The following COBL variants were observed in gnomAD, a reference collection of about 807,000 sequenced individuals.
The protein encoded by COBL is protein cordon-bleu.
In COBL, 51 loss-of-function variants were observed where a neutral mutation model predicts 98.8. The ratio of observed to expected loss-of-function variants is 0.52; its 90% CI spans 0.41 to 0.65. The LOEUF (loss-of-function observed/expected upper bound fraction) is 0.65. Ranked by LOEUF, COBL falls within the 30% of genes least tolerant of loss-of-function variation. COBL has a pLI of 0.00. For missense variants in COBL, 1,617 were observed against 1,617.5 expected (o/e 1.00, Z 0.01); for synonymous variants, 634 against 651.7 (o/e 0.97, Z 0.41).
intron 6 of COBL, among the ~76,000 whole-genome samples, chr7:51,104,646 A>G (rs1467671202): frequency 2.0e-5 from 3 of 151,440 alleles, no homozygotes; most frequent in African/African-American, 7.3e-5. Flanking sequence ...CACCCTAATC[A>G]CTCCCCTAAC....
intron 1 of COBL, among the ~76,000 whole-genome samples, chr7:51,274,861 T>C (rs1051751891): frequency 1.3e-5 from 2 of 152,198 alleles, no homozygotes; most frequent in Non-Finnish European, 2.9e-5. Context: ...TGAGATACTT[T>C]CAGGGTTTTC....
At chr7:51,224,125 A>G (rs1231781876) in intron 1 of COBL, among the ~76,000 whole-genome samples, 2 of 152,226 alleles carry the variant, frequency 1.3e-5, no homozygotes, top group African/African-American at 4.8e-5. Context: ...GCTACAGCAT[A>G]CAGCTAGGTG....
intron 6 of COBL, among the ~76,000 whole-genome samples, chr7:51,132,079 G>A (rs1798800232): frequency 6.6e-6 from 1 of 152,214 alleles, no homozygotes; most frequent in Non-Finnish European, 1.5e-5. Context: ...GCGCCTTGGT[G>A]ATTTTTTAAT....
At chr7:51,164,993 T>G (rs989143538) in intron 5 of COBL, among the ~76,000 whole-genome samples, 4 of 151,882 alleles carry the variant, frequency 2.6e-5, no homozygotes, top group African/African-American at 7.3e-5. Flanking sequence ...ATACAATGGT[T>G]ACACAAAAAT....
chr7:51,288,433 A>AAG (rs1800575203), intron 1 of COBL, among the ~76,000 whole-genome samples: 1 of 147,090 alleles, frequency 6.8e-6, no homozygotes, highest in African/African-American at 2.5e-5. Flanking sequence ...AAAAAAAAAA[A>AAG]AAAAGAAAGA....
intron 6 of COBL, among the ~76,000 whole-genome samples, chr7:51,105,825 C>T (rs1273322755): frequency 2.0e-5 from 3 of 151,984 alleles, no homozygotes; most frequent in African/African-American, 4.8e-5. Flanking sequence ...GGCTTAAGTA[C>T]TAATACAAAA....
chr7:51,079,265 G>C (rs2128932208), intron 7 of COBL, among the ~76,000 whole-genome samples: 1 of 152,226 alleles, frequency 6.6e-6, no homozygotes, highest in Non-Finnish European at 1.5e-5. Context: ...AACTGCAACA[G>C]GTCTTTGATG....
intron 5 of COBL, among the ~76,000 whole-genome samples, chr7:51,156,095 C>T (rs990920751): frequency 6.6e-6 from 1 of 152,086 alleles, no homozygotes; most frequent in Non-Finnish European, 1.5e-5. Flanking sequence ...CGACATAGAA[C>T]AGAAATTCAT....
chr7:51,074,691 G>A (rs932279182), intron 7 of COBL, among the ~76,000 whole-genome samples: 3 of 152,164 alleles, frequency 2.0e-5, no homozygotes, highest in African/African-American at 7.2e-5. Flanking sequence ...GAGCACTCAT[G>A]AAAATCAAAG....
At chr7:51,043,296 C>T (rs890674639) in intron 8 of COBL, 87 bp downstream of exon 8, 28 of 1,319,132 alleles carry the variant, frequency 2.1e-5, no homozygotes, top group African/African-American at 8.7e-5. Context: ...TGTGATAGCA[C>T]GTGTTGGATC....
intron 6 of COBL, among the ~76,000 whole-genome samples, chr7:51,118,623 G>T (rs552553172): frequency 6.6e-6 from 1 of 152,028 alleles, no homozygotes; most frequent in Non-Finnish European, 1.5e-5. Flanking sequence ...GAATCACTGG[G>T]GGGGAGAGGG....
chr7:51,153,045 T>C (rs1785723980), intron 5 of COBL, among the ~76,000 whole-genome samples: 1 of 152,236 alleles, frequency 6.6e-6, no homozygotes, highest in Admixed American at 6.5e-5. Context: ...TTGTATATCG[T>C]AAGGTTAAAT....
chr7:51,020,461 A>C (rs1171587071), intron 12 of COBL, among the ~76,000 whole-genome samples: 2 of 152,204 alleles, frequency 1.3e-5, no homozygotes, highest in Non-Finnish European at 2.9e-5. Flanking sequence ...CCCGGACCCT[A>C]GTAGGTTCTC....
chr7:51,282,044 G>C (rs1799863064), intron 1 of COBL, among the ~76,000 whole-genome samples: 2 of 151,868 alleles, frequency 1.3e-5, no homozygotes, highest in African/African-American at 4.8e-5. Context: ...TAAACAAAGG[G>C]ATATACTAAA....
At chr7:51,114,359 T>C (rs117921535) in intron 6 of COBL, among the ~76,000 whole-genome samples, 4,723 of 138,698 alleles carry the variant, frequency 0.034, 175 homozygotes, top group Admixed American at 0.11. Context: ...GGCTGGTTCT[T>C]ACGTACTCCA....
intron 1 of COBL, among the ~76,000 whole-genome samples, chr7:51,294,469 C>T (rs938225412): frequency 4.0e-5 from 6 of 150,534 alleles, no homozygotes; most frequent in African/African-American, 1.5e-4. Context: ...CCTATTTCTA[C>T]TAAAAATACA....
chr7:51,103,268 T>C (rs1164967383), intron 6 of COBL, among the ~76,000 whole-genome samples: 3 of 152,230 alleles, frequency 2.0e-5, no homozygotes, highest in African/African-American at 7.2e-5. Flanking sequence ...ATTAGCAATG[T>C]TTAATGCTTA....
chr7:51,239,141 G>A (rs1319298172), intron 1 of COBL, among the ~76,000 whole-genome samples: 2 of 152,116 alleles, frequency 1.3e-5, no homozygotes, highest in African/African-American at 2.4e-5. Context: ...ACTGTCAGAG[G>A]CATCTGACCC....
chr7:51,034,718 A>T (rs1788463041), intron 8 of COBL: 1 of 152,214 alleles, frequency 6.6e-6, no homozygotes, highest in East Asian at 1.9e-4. Flanking sequence ...AAGAGTTAGC[A>T]GTCAGCAAGA....
Sources: gnomAD v4.1 joint callset for allele counts (sites outside exome capture counted in the v4.1 genomes callset) on GRCh38, gnomAD v4.1.1 for gene constraint, MANE v1.5 for transcripts, NCBI Gene and HGNC (gene_info 2026-07-23, HGNC 2026-07-21) for gene names.